Variants in PRCD observed in about 807,000 individuals in gnomAD.
PRCD encodes photoreceptor disc component.
In PRCD, 12 loss-of-function variants were observed where a neutral mutation model predicts 10.1. The ratio of observed to expected loss-of-function variants is 1.18; its 90% CI spans 0.76 to 1.92. PRCD has a LOEUF of 1.92. Ranked by LOEUF, PRCD falls within the 40% of genes most tolerant of loss-of-function variation. The pLI is 0.00. For synonymous variants in PRCD, 31 were observed against 26.2 expected, an observed-to-expected ratio of 1.18 and a Z score of -0.56; for missense variants, 61 against 72.2, an observed-to-expected ratio of 0.84 and a Z score of 0.56.
chr17:76,542,999 G>A lies in PRCD; in HGVS notation c.*60-30G>A, dbSNP rs1445464007. ...AGTCCCATCCCCAGGTGTGGGAGAAGTGCTGATCTGCTCTGGTTTTCTGTT... is the reference window on the plus strand; with the variant it reads ...AGTCCCATCCCCAGGTGTGGGAGAAATGCTGATCTGCTCTGGTTTTCTGTT... On this transcript the variant is annotated intron_variant, in intron 3 of 4. Coordinates refer to ENST00000592014, the MANE Select transcript of PRCD (RefSeq NM_001077620.3). 6.2e-6 allele frequency: 3 copies of A among 485,242 alleles called. No individual in the cohort carries two copies. The Admixed American group carries it at 7.0e-5, about 11-fold the overall frequency. The allele number at this position is 485,242 out of a possible 1,614,324, so 30.1% of individuals were successfully genotyped here. A position where few individuals can be genotyped will look rare whatever the true frequency, so the allele number is the denominator to read the frequency against.
upstream of PRCD, chr17:76,538,419 T>C (rs2074948428): frequency 2.3e-6 from 1 of 439,744 alleles, no homozygotes; most frequent in African/African-American, 2.1e-5. Context: ...GCGCCCCCTC[T>C]CCTTCCGCCC....
In PRCD at chr17:76,544,370, G is replaced by A. The variant is rs1334211812; in HGVS notation, c.*720G>A. On this transcript the variant is annotated 3_prime_UTR_variant, in exon 5 of 5. Coordinates refer to ENST00000592014, the MANE Select transcript of PRCD (RefSeq NM_001077620.3). ...GCCTCTGAAGGGAAGGAAGGGAAAG[G>A]GTGAGGGATGCCGCAGAGCAGAGGG... 2.2e-6 allele frequency: 1 copy of A among 454,788 alleles called. No homozygotes were observed. Among genetic ancestry groups the A allele is most frequent in the Admixed American group, 2.3e-5 (1 of 42,582 alleles). The allele number at this position is 454,788 out of a possible 1,614,324, so 28.2% of individuals were successfully genotyped here. A position where few individuals can be genotyped will look rare whatever the true frequency, so the allele number is the denominator to read the frequency against.
At chr17:76,551,047 C>G (rs1180896818) in intron 1 of PRCD, 1 of 152,230 alleles carries the variant, frequency 6.6e-6, no homozygotes, top group Non-Finnish European at 1.5e-5. Flanking sequence ...TCCAAGTCCT[C>G]CTGGGTTGCA....
chr17:76,549,682 C>T (rs1167335197), downstream of PRCD, among the ~76,000 whole-genome samples: 4 of 152,188 alleles, frequency 2.6e-5, no homozygotes, highest in Middle Eastern at 3.2e-3. Flanking sequence ...AAATATTCCT[C>T]GACGTGGGAA....
rs2075030401 is a variant in PRCD at position 76,544,436 on chromosome 17, C to G, written c.*786C>G. 2 of 454,812 alleles carry G rather than the reference C, an allele frequency of 4.4e-6. No individual in the cohort carries two copies. Among genetic ancestry groups the G allele is most frequent in the Non-Finnish European group, 8.8e-6 (2 of 226,968 alleles). The allele number at this position is 454,812 out of a possible 1,614,324, so 28.2% of individuals were successfully genotyped here. A position where few individuals can be genotyped will look rare whatever the true frequency, so the allele number is the denominator to read the frequency against. ...GCTCAGGGTGGGGGAGGAGGTGCAC[C>G]CCGCTGGGGAGGGCCTGCTGGTACC... On this transcript the variant is annotated 3_prime_UTR_variant, in exon 5 of 5. Coordinates refer to ENST00000592014, the MANE Select transcript of PRCD (RefSeq NM_001077620.3).
chr17:76,552,676 C>G (rs2143230336), intron 1 of PRCD, among the ~76,000 whole-genome samples: 1 of 151,174 alleles, frequency 6.6e-6, no homozygotes, highest in African/African-American at 2.4e-5. Context: ...CCAGCCTGGC[C>G]AGAATGGTGA....
rs1264997080 is a variant in PRCD, at chr17:76,534,122, CTT to C, written n.45+6291_45+6292del. Among the ~76,000 whole-genome samples, 103 of 147,388 alleles carry C rather than the reference CTT, an allele frequency of 7.0e-4. 2 individuals carry two copies. The highest frequency in any genetic ancestry group is 2.1e-4 in the Non-Finnish European group (14 of 66,588). On this transcript the variant is annotated intron_variant and non_coding_transcript_variant, in intron 1 of 4. Transcript: ENST00000397633. Reference sequence around the variant, plus strand: ...CTTTTTCTTTCTTTCTTCTTTCTTTCTTTCTTTCTCTCTCTCTTTCTCTTTCT... The same window carrying C: ...CTTTTTCTTTCTTTCTTCTTTCTTTCTCTTTCTCTCTCTCTTTCTCTTTCT...
chr17:76,537,342 G>T, upstream of PRCD: 2 of 1,505,052 alleles, frequency 1.3e-6, no homozygotes, highest in South Asian at 2.4e-5. Context: ...GCCCTCCTCT[G>T]CCCGGAGCCG....
In PRCD at chr17:76,530,945, A is replaced by AGG; in HGVS notation, n.45+3113_45+3114dup. ...GGGGACAGCAGAGGACATGGCGGGG[A>AGG]GGCTGCCCAGCCCACCCTCGCCCGC... On this transcript the variant is annotated intron_variant and non_coding_transcript_variant, in intron 1 of 4. Transcript: ENST00000397633. This position sits in a 1 kb window ranked among gnomAD's most constrained non-coding sequence, Gnocchi z 6.1. 1 of 1,528,940 alleles carries AGG rather than the reference A, an allele frequency of 6.5e-7. No individual in the cohort carries two copies. Among genetic ancestry groups the AGG allele is most frequent in the South Asian group, 1.2e-5 (1 of 81,138 alleles). The allele number at this position is 1,528,940 out of a possible 1,614,324, so 94.7% of individuals were successfully genotyped here.
At position 76,544,968 on chromosome 17, in the gene PRCD, A is replaced by G. The variant is rs1232352336; in HGVS notation, c.*1318A>G. On this transcript the variant is annotated 3_prime_UTR_variant, in exon 5 of 5. Transcript: ENST00000592014. ...GATCCATCCAGAGGAAGGGCGGGAA[A>G]AAGAGAGGAAGGGGCTGCTGGCGGC... 3 of 456,536 alleles carry G rather than the reference A, an allele frequency of 6.6e-6. No homozygotes were observed. The highest frequency in any genetic ancestry group is 6.0e-5 in the African/African-American group (3 of 50,066). The allele number at this position is 456,536 out of a possible 1,614,324, so 28.3% of individuals were successfully genotyped here.
rs753462939 is a variant in PRCD at position 76,540,465 on chromosome 17, C to T, written c.75-40C>T. The stretch of plus-strand genomic sequence containing the variant: ...TGTGGAGGGACAGTGAGGGGCTGGG[C>T]ACAGCCATAGCTCTTCCTCCCTACT... On this transcript the variant is annotated intron_variant, in intron 1 of 4. Transcript: ENST00000592014. The surrounding 1 kb of genome is among the most constrained non-coding windows in gnomAD (Gnocchi z 5.0). 3.1e-6 allele frequency: 5 copies of T among 1,605,062 alleles called. No homozygotes were observed. The highest frequency in any genetic ancestry group is 1.3e-5 in the African/African-American group (1 of 74,726).
rs2075030805 is a variant in PRCD, at chr17:76,544,463, C to CG, written c.*817dup. 2.2e-6 allele frequency: 1 copy of CG among 455,382 alleles called. No homozygotes were observed. The highest frequency in any genetic ancestry group is 4.4e-6 in the Non-Finnish European group (1 of 226,968). The allele number at this position is 455,382 out of a possible 1,614,324, so 28.2% of individuals were successfully genotyped here. The stretch of plus-strand genomic sequence containing the variant: ...CGCTGGGGAGGGCCTGCTGGTACCT[C>CG]GGGGAGCCTGGCTGGGGTGTGTGCG... On this transcript the variant is annotated 3_prime_UTR_variant, in exon 5 of 5. Transcript: ENST00000592014.
chr17:76,532,727 G>T (rs1199793563), intron 1 of PRCD, among the ~76,000 whole-genome samples: 1 of 151,838 alleles, frequency 6.6e-6, no homozygotes, highest in East Asian at 1.9e-4. Context: ...AGTAGAGACA[G>T]GGTTTCACCA....
At chr17:76,541,119 C>T (rs1022211241) in intron 2 of PRCD, among the ~76,000 whole-genome samples, 5 of 152,310 alleles carry the variant, frequency 3.3e-5, no homozygotes, top group African/African-American at 1.2e-4. Flanking sequence ...TAGGCTGGAG[C>T]CATGTGGTCT....
rs142800529 is a variant in PRCD at position 76,529,967 on chromosome 17, G to A, written n.45+2134G>A. 434 of 985,378 alleles carry A rather than the reference G, an allele frequency of 4.4e-4. 1 individual carries two copies. The African/African-American group carries it at 7.1e-3, about 16-fold the overall frequency. 61.0% of individuals were successfully genotyped at this position (985,378 alleles called of 1,614,324 possible). On this transcript the variant is annotated intron_variant and non_coding_transcript_variant, in intron 1 of 4. Transcript: ENST00000397633. ...GCCAGTGTGGTCAGCAGCAGGAAGG[G>A]CAGGAGGCCTGGCGTCCCCAGCTGC...
At chr17:76,543,742 G>T (rs375538145) in intron 4 of PRCD, 61 bp from the exon 5 acceptor site, 1 of 469,282 alleles carries the variant, frequency 2.1e-6, no homozygotes, top group Non-Finnish European at 4.4e-6. Context: ...CTTGTGGTCC[G>T]AGGTGCTGGT....
At chr17:76,534,146 TTCTCTCTCTCTCTCTCTC>T (rs71158013) in intron 1 of PRCD, among the ~76,000 whole-genome samples, 1 of 128,902 alleles carries the variant, frequency 7.8e-6, no homozygotes, top group Non-Finnish European at 1.7e-5. Context: ...CTCTTTCTCT[TTCTCTCTCTCTCTCTCTC>T]TCTCTCTCTC....
At chr17:76,538,833 T>G (rs1463040514), upstream of PRCD, among the ~76,000 whole-genome samples, 1 of 152,246 alleles carries the variant, frequency 6.6e-6, no homozygotes, top group African/African-American at 2.4e-5. Context: ...GAGATGTCAC[T>G]CAGGCTCCCG....
In PRCD at chr17:76,531,213, G is replaced by T. The variant is rs1364064899; in HGVS notation, n.45+3380G>T. The T allele has an allele frequency of 3.1e-5, 46 of 1,473,228 alleles. No homozygotes were observed. In the South Asian group the frequency reaches 5.4e-4, roughly 17 times the overall value. 91.3% of individuals were successfully genotyped at this position (1,473,228 alleles called of 1,614,324 possible). A position where few individuals can be genotyped will look rare whatever the true frequency, so the allele number is the denominator to read the frequency against. On this transcript the variant is annotated intron_variant and non_coding_transcript_variant, in intron 1 of 4. Coordinates refer to the PRCD transcript ENST00000397633. This position sits in a 1 kb window ranked among gnomAD's most constrained non-coding sequence, Gnocchi z 7.4. The stretch of plus-strand genomic sequence containing the variant: ...CGTCCTGCAACCCCCAGGCCCCTCC[G>T]CCCCACGTGTGGCCGAGAGGATCAT...
Sources: allele counts gnomAD v4.1 joint callset (sites outside exome capture counted in the v4.1 genomes callset), GRCh38; gene constraint gnomAD v4.1.1; non-coding constraint Gnocchi (gnomAD v3.1); transcripts MANE v1.5; gene names NCBI Gene and HGNC (gene_info 2026-07-23, HGNC 2026-07-21).